POC1B: variants seen among roughly 807,000 people sequenced by gnomAD.
POC1B encodes the protein POC1 centriolar protein homolog B.
Under a neutral mutation model 60.6 loss-of-function variants are expected in POC1B, and 44 were observed. That is an observed-to-expected ratio of 0.73 (90% confidence interval 0.57 to 0.93). The LOEUF is 0.93. Ranked by LOEUF, POC1B falls within the 40% of genes least tolerant of loss-of-function variation. POC1B has a pLI of 0.00. For synonymous variants in POC1B, 180 were observed against 198.9 expected (o/e 0.90, Z 0.80); for missense variants, 555 against 572.3 (o/e 0.97, Z 0.31).
chr12:89,483,815 G>C (rs1175367621), intron 4 of POC1B, among the ~76,000 whole-genome samples: 2 of 152,150 alleles, frequency 1.3e-5, no homozygotes, highest in Non-Finnish European at 2.9e-5. Context: ...AATGGTAAGT[G>C]CAGTGTTTTA....
At chr12:89,468,315 TGC>T (rs1175514507) in intron 7 of POC1B, among the ~76,000 whole-genome samples, 1 of 152,214 alleles carries the variant, frequency 6.6e-6, no homozygotes, top group Non-Finnish European at 1.5e-5. Flanking sequence ...GAGCAGTTAC[TGC>T]GGAGTTGGAC....
chr12:89,502,256 C>T (rs544967479), intron 2 of POC1B: 1 of 1,469,798 alleles, frequency 6.8e-7, no homozygotes, highest in African/African-American at 1.4e-5. Context: ...TCAAAACGAA[C>T]TAAAGTGATA....
At chr12:89,409,275 A>C in the POC1B span, among the ~76,000 whole-genome samples, 56 of 152,210 alleles carry the variant, frequency 3.7e-4, no homozygotes, top group African/African-American at 1.2e-3. Context: ...TTAAATCTTT[A>C]ATCCATCTTG....
At chr12:89,511,983 G>C (rs1361862896) in intron 2 of POC1B, among the ~76,000 whole-genome samples, 2 of 152,212 alleles carry the variant, frequency 1.3e-5, no homozygotes, top group Non-Finnish European at 2.9e-5. Flanking sequence ...GAATCCAGGA[G>C]ATTGGGGCTG....
intron 2 of POC1B, among the ~76,000 whole-genome samples, chr12:89,513,847 T>A (rs79531068): frequency 0.02 from 3,093 of 152,308 alleles, 82 homozygotes; most frequent in African/African-American, 0.066. Flanking sequence ...TTGTCTTCCA[T>A]GAAGCCAGTC....
intron 2 of POC1B, among the ~76,000 whole-genome samples, chr12:89,499,710 TA>T (rs942082757): frequency 2.6e-5 from 4 of 152,172 alleles, no homozygotes; most frequent in Non-Finnish European, 5.9e-5. Flanking sequence ...TGGATACTCA[TA>T]AGGAAGAAAA....
intron 10 of POC1B, among the ~76,000 whole-genome samples, chr12:89,452,340 G>A (rs576865339): frequency 4.6e-5 from 7 of 152,150 alleles, no homozygotes; most frequent in African/African-American, 1.7e-4. Flanking sequence ...ATTTTCTAAA[G>A]GAAATTCTAA....
chr12:89,477,633 C>T (rs747921756), intron 4 of POC1B, among the ~76,000 whole-genome samples: 1 of 152,140 alleles, frequency 6.6e-6, no homozygotes, highest in Non-Finnish European at 1.5e-5. Flanking sequence ...CTTCTACTTC[C>T]CCACATTCCA....
In POC1B at chr12:89,466,829, G is replaced by C. The variant is rs902575193; in HGVS notation, c.973C>G (p.Leu325Val). ...KRLHFDSPPH[L>V]LDIYPRTPHP... ...GGTGTTCTTGGGTAGATATCAAGAAGATGTGGTGGTGAATCAAAATGTAAT... is the reference window on the plus strand; with the variant it reads ...GGTGTTCTTGGGTAGATATCAAGAACATGTGGTGGTGAATCAAAATGTAAT... Residue 325 changes from leucine to valine, a missense_variant, in exon 9 of 12, where the codon CTT becomes GTT. Physicochemically the swap from Leu to Val is conservative, Grantham distance 32 (BLOSUM62 1). Transcript: ENST00000313546. 5.6e-6 allele frequency: 9 copies of C among 1,612,900 alleles called. No individual in the cohort carries two copies. In the East Asian group the frequency reaches 1.1e-4, roughly 20 times the overall value.
chr12:89,525,184 A>T lies in POC1B; in HGVS notation c.36T>A (p.Arg12=). Residue 12 remains arginine (R), a synonymous_variant, in exon 2 of 12, where the codon CGT becomes CGA. Transcript: ENST00000313546. ...ASATEDPVLE[R]YFKGHKAAIT... The stretch of plus-strand genomic sequence containing the variant: ...TCGCAGCTTTGTGGCCTTTGAAATA[A>T]CGCTCCAGAACGGGGTCCTCCTGGA... 6.2e-7 allele frequency: 1 copy of T among 1,611,912 alleles called. No individual in the cohort carries two copies. The highest frequency in any genetic ancestry group is 8.5e-7 in the Non-Finnish European group (1 of 1,178,970).
In POC1B at chr12:89,472,287, AAGAAAGAAG is replaced by A. The variant is rs71082492; in HGVS notation, c.453-21_453-13del. On this transcript the variant is annotated splice_polypyrimidine_tract_variant and intron_variant, in intron 4 of 11. Coordinates refer to ENST00000313546, the MANE Select transcript of POC1B (RefSeq NM_172240.3). The stretch of plus-strand genomic sequence containing the variant: ...CATCGGGTGAAAATCTAGAAAGAAG[AAGAAAGAAG>A]ATGTTTTATGTGAAAGGCTCTGGAG... 4.9e-6 allele frequency: 2 copies of A among 407,118 alleles called. No homozygotes were observed. The highest frequency in any genetic ancestry group is 5.5e-5 in the Admixed American group (1 of 18,294). 25.2% of individuals were successfully genotyped at this position (407,118 alleles called of 1,614,324 possible).
rs1453539086 is a variant in POC1B, at chr12:89,459,638, T to C, written c.1113A>G (p.Thr371=). Residue 371 remains threonine (T), a splice_region_variant and synonymous_variant, in exon 10 of 12, where the codon ACA becomes ACG. Coordinates refer to ENST00000313546, the MANE Select transcript of POC1B (RefSeq NM_172240.3). ...AAAAAAAAAAAAAAACCCGACTTACTGTGGTAGAATCAAAAGAAAGGATAT... is the reference window on the plus strand; with the variant it reads ...AAAAAAAAAAAAAAACCCGACTTACCGTGGTAGAATCAAAAGAAAGGATAT... ...VMDILSFDST[T]TTETSGRTLP... is the part of the protein sequence containing the mutation. 1 of 1,373,058 alleles carries C rather than the reference T, an allele frequency of 7.3e-7. No homozygotes were observed. Among genetic ancestry groups the C allele is most frequent in the Non-Finnish European group, 9.8e-7 (1 of 1,018,100 alleles). The allele number at this position is 1,373,058 out of a possible 1,614,324, so 85.1% of individuals were successfully genotyped here. A position where few individuals can be genotyped will look rare whatever the true frequency, so the allele number is the denominator to read the frequency against.
chr12:89,448,010 T>C (rs996416571), intron 10 of POC1B, among the ~76,000 whole-genome samples: 3 of 152,014 alleles, frequency 2.0e-5, no homozygotes, highest in Non-Finnish European at 2.9e-5. Context: ...AGAGAGAAAC[T>C]GGAAGACATA....
chr12:89,441,056 A>G (rs1449442393), intron 10 of POC1B, among the ~76,000 whole-genome samples: 3 of 152,230 alleles, frequency 2.0e-5, no homozygotes, highest in Non-Finnish European at 4.4e-5. Context: ...AGGCAGCAGC[A>G]AGGCTGGGGG....
At chr12:89,468,852 T>C (rs1349905416) in intron 7 of POC1B, among the ~76,000 whole-genome samples, 1 of 150,674 alleles carries the variant, frequency 6.6e-6, no homozygotes, top group Non-Finnish European at 1.5e-5. Flanking sequence ...TATTTCTAGA[T>C]ATAAACAGCT....
chr12:89,407,550 T>C, the POC1B span, among the ~76,000 whole-genome samples: 1 of 152,158 alleles, frequency 6.6e-6, no homozygotes, highest in Non-Finnish European at 1.5e-5. Flanking sequence ...TCACTTGATA[T>C]TGATATTTAA....
At chr12:89,409,724 G>A in the POC1B span, among the ~76,000 whole-genome samples, 27 of 152,112 alleles carry the variant, frequency 1.8e-4, no homozygotes, top group African/African-American at 2.9e-4. Context: ...ATAAATTCCC[G>A]GACACATACA....
intron 11 of POC1B, among the ~76,000 whole-genome samples, chr12:89,422,061 A>G (rs555970000): frequency 1.3e-3 from 196 of 151,748 alleles, no homozygotes; most frequent in Middle Eastern, 6.8e-3. Context: ...AAAAAAACTT[A>G]TTATAAAATG....
intron 10 of POC1B, among the ~76,000 whole-genome samples, chr12:89,443,498 T>G (rs1463832300): frequency 6.6e-6 from 1 of 151,934 alleles, no homozygotes; most frequent in Non-Finnish European, 1.5e-5. Context: ...TGCTCCTGAA[T>G]GACTACTGGG....
Sources: allele counts gnomAD v4.1 joint callset (sites outside exome capture counted in the v4.1 genomes callset), GRCh38; gene constraint gnomAD v4.1.1; transcripts MANE v1.5; gene names NCBI Gene and HGNC (gene_info 2026-07-23, HGNC 2026-07-21).